MACROD1: variants seen among roughly 807,000 people sequenced by gnomAD.
MACROD1 encodes the protein mono-ADP ribosylhydrolase 1, also known as ADP-ribose glycohydrolase MACROD1.
A neutral mutation model predicts 41.4 loss-of-function variants in MACROD1; 31 were observed. The ratio of observed to expected loss-of-function variants is 0.75; its 90% CI spans 0.56 to 1.01. MACROD1 has a LOEUF of 1.01. MACROD1 is among the 50% of genes least tolerant of loss of function. MACROD1 has a pLI of 0.00. For synonymous variants in MACROD1, 252 were observed against 203.4 expected, an observed-to-expected ratio of 1.24 and a Z score of -2.03; for missense variants, 473 against 460.0, an observed-to-expected ratio of 1.03 and a Z score of -0.26.
chr11:64,015,171 G>C lies in MACROD1; in HGVS notation c.547+81C>G, dbSNP rs151070500. On this transcript the variant is annotated intron_variant, in intron 4 of 10. Transcript: ENST00000255681. ...GGTGGATTGCAGTGAGATGGGCACC[G>C]AGGGCGAGGGGCAGGGGAGGAGCAG... is the stretch of plus-strand genomic sequence containing the variant. The C allele has an allele frequency of 3.8e-4, 533 of 1,413,870 alleles. 10 individuals are homozygous for C. In the East Asian group the frequency reaches 8.8e-3, roughly 23 times the overall value. 87.6% of individuals were successfully genotyped at this position (1,413,870 alleles called of 1,614,324 possible). A position where few individuals can be genotyped will look rare whatever the true frequency, so the allele number is the denominator to read the frequency against.
At chr11:64,150,144 G>C (rs1301539094) in intron 3 of MACROD1, among the ~76,000 whole-genome samples, 1 of 152,222 alleles carries the variant, frequency 6.6e-6, no homozygotes, top group Middle Eastern at 3.2e-3. Flanking sequence ...GTTGCTTCAG[G>C]AAACACAACT....
intron 9 of MACROD1, 25 bp downstream of exon 9, chr11:63,998,930 C>T: frequency 1.9e-6 from 3 of 1,548,300 alleles, no homozygotes; most frequent in East Asian, 2.3e-5. Flanking sequence ...CAGGGGCGGG[C>T]CGTGGGGCGG....
At chr11:64,157,701 A>G (rs928081405) in intron 1 of MACROD1, among the ~76,000 whole-genome samples, 3 of 152,150 alleles carry the variant, frequency 2.0e-5, no homozygotes, top group Non-Finnish European at 2.9e-5. Flanking sequence ...ATGGGAATTC[A>G]ATGCTGTGTT....
chr11:64,149,168 A>G (rs1945538329), intron 3 of MACROD1: 1 of 282,894 alleles, frequency 3.5e-6, no homozygotes, highest in African/African-American at 2.3e-5. Flanking sequence ...GGTGATGCCC[A>G]GAACGGCGCT....
At chr11:64,098,887 T>C (rs796545868) in intron 3 of MACROD1, among the ~76,000 whole-genome samples, 11 of 152,322 alleles carry the variant, frequency 7.2e-5, no homozygotes, top group African/African-American at 2.4e-4. Flanking sequence ...ATCTGATTAA[T>C]GACACATACA....
At chr11:64,052,329 A>C (rs367675486) in intron 3 of MACROD1, among the ~76,000 whole-genome samples, 75 of 152,226 alleles carry the variant, frequency 4.9e-4, no homozygotes, top group African/African-American at 1.6e-3. Flanking sequence ...TTTCCCTGTG[A>C]CCCTGGAAAG....
At chr11:64,140,043 G>T (rs554407360) in intron 3 of MACROD1, among the ~76,000 whole-genome samples, 1 of 151,868 alleles carries the variant, frequency 6.6e-6, no homozygotes, top group Non-Finnish European at 1.5e-5. Context: ...AGCAGCCACT[G>T]CCCTGGCCTC....
intron 3 of MACROD1, among the ~76,000 whole-genome samples, chr11:64,065,532 G>C (rs901424678): frequency 1.3e-5 from 2 of 152,186 alleles, no homozygotes; most frequent in Non-Finnish European, 2.9e-5. Flanking sequence ...GCTCATGCCT[G>C]TAATCCCAGC....
chr11:64,031,730 G>A (rs148705314), intron 3 of MACROD1, among the ~76,000 whole-genome samples: 249 of 152,194 alleles, frequency 1.6e-3, no homozygotes, highest in African/African-American at 5.4e-3. Context: ...CACCTGCCTC[G>A]GCCTCCCAAA....
intron 3 of MACROD1, among the ~76,000 whole-genome samples, chr11:64,104,689 A>C (rs1467263699): frequency 1.3e-5 from 2 of 152,080 alleles, no homozygotes; most frequent in Non-Finnish European, 2.9e-5. Flanking sequence ...GGTTGATCCA[A>C]AGCTACTGCC....
intron 3 of MACROD1, among the ~76,000 whole-genome samples, chr11:64,134,363 A>G (rs184615248): frequency 8.5e-5 from 13 of 152,350 alleles, no homozygotes; most frequent in African/African-American, 2.9e-4. Context: ...CCCCAGTGAG[A>G]GGCCAGGCCC....
At chr11:64,031,163 C>T (rs1943288758) in intron 3 of MACROD1, among the ~76,000 whole-genome samples, 1 of 152,126 alleles carries the variant, frequency 6.6e-6, no homozygotes, top group Admixed American at 6.5e-5. Context: ...CCTGGTCTGA[C>T]CTGCCTTGGG....
chr11:64,020,050 G>A (rs1258433618), intron 3 of MACROD1, among the ~76,000 whole-genome samples: 1 of 152,206 alleles, frequency 6.6e-6, no homozygotes, highest in African/African-American at 2.4e-5. Context: ...GGCCCACAAA[G>A]ATGTTGCAGT....
At chr11:64,055,977 G>T (rs902011205) in intron 3 of MACROD1, among the ~76,000 whole-genome samples, 1 of 152,328 alleles carries the variant, frequency 6.6e-6, no homozygotes, top group South Asian at 2.1e-4. Flanking sequence ...TCCTGGGAGG[G>T]ACGCGCTGTC....
At chr11:64,083,214 T>C (rs1944333907) in intron 3 of MACROD1, 1 of 152,344 alleles carries the variant, frequency 6.6e-6, no homozygotes, top group East Asian at 1.9e-4. Context: ...GGTGGGTAGA[T>C]TGCCTGAGCT....
intron 3 of MACROD1, among the ~76,000 whole-genome samples, chr11:64,101,284 T>C (rs1439259647): frequency 1.3e-5 from 2 of 151,974 alleles, no homozygotes; most frequent in Admixed American, 6.5e-5. Flanking sequence ...GAGACTACTG[T>C]AGGAGCACTG....
At chr11:64,010,486 C>A (rs1339801575) in intron 4 of MACROD1, among the ~76,000 whole-genome samples, 1 of 113,804 alleles carries the variant, frequency 8.8e-6, no homozygotes, top group Non-Finnish European at 1.8e-5. Flanking sequence ...GGGGTGTTGG[C>A]TGGGGTGTTG....
In MACROD1 at chr11:63,999,055, A is replaced by G. The variant is rs1326417245; in HGVS notation, c.892-19T>C. On this transcript the variant is annotated intron_variant, in intron 8 of 10. Transcript: ENST00000255681. ...GGTCCACCTGCGCCAGGGGCTGCTC[A>G]GCCTGGGCCGAGCTGCCACGCCTGG... 3 of 1,588,326 alleles carry G rather than the reference A, an allele frequency of 1.9e-6. No individual in the cohort carries two copies. Among genetic ancestry groups the G allele is most frequent in the Non-Finnish European group, 2.6e-6 (3 of 1,169,076 alleles).
At chr11:64,018,548 C>A (rs925354724) in intron 3 of MACROD1, among the ~76,000 whole-genome samples, 1 of 152,180 alleles carries the variant, frequency 6.6e-6, no homozygotes, top group African/African-American at 2.4e-5. Context: ...GCCCGCCCAG[C>A]CCAGGGCAGG....
Sources: allele counts gnomAD v4.1 joint callset (sites outside exome capture counted in the v4.1 genomes callset), GRCh38; gene constraint gnomAD v4.1.1; transcripts MANE v1.5; gene names NCBI Gene and HGNC (gene_info 2026-07-23, HGNC 2026-07-21).